The following LY6E variants were observed in gnomAD, a reference collection of about 807,000 sequenced individuals.
The protein encoded by LY6E is lymphocyte antigen 6E.
In LY6E, 4 loss-of-function variants were observed where a neutral mutation model predicts 7.7. The observed-to-expected ratio is 0.52, with a 90% CI of 0.25 to 1.18. LY6E has a LOEUF of 1.18. Among genes scored for constraint, LY6E ranks in the 50% most tolerant of loss-of-function variants. The probability of loss-of-function intolerance (pLI) is 0.14; values close to 1 mark genes in which losing one functional copy is unlikely to be tolerated. For missense variants in LY6E, 156 were observed against 168.0 expected (o/e 0.93, Z 0.40); for synonymous variants, 81 against 80.1 (o/e 1.01, Z -0.06).
chr8:143,020,731 G>A (rs553446212), intron 1 of LY6E, among the ~76,000 whole-genome samples, 152 bp from the exon 2 acceptor site: 45 of 152,348 alleles, frequency 3.0e-4, no homozygotes, highest in Non-Finnish European at 6.0e-4. Flanking sequence ...TGCACTGAGT[G>A]AGGAGTGGGT....
rs150263895 is a variant in LY6E at position 143,020,523 on chromosome 8, T to C, written c.-57-360T>C. 7.8e-3 allele frequency: 1,636 copies of C among 210,104 alleles called. 11 individuals are homozygous for C. Among genetic ancestry groups the C allele is most frequent in the Non-Finnish European group, 0.012 (1,261 of 103,598 alleles). The allele number at this position is 210,104 out of a possible 1,614,324, so 13.0% of individuals were successfully genotyped here. A position where few individuals can be genotyped will look rare whatever the true frequency, so the allele number is the denominator to read the frequency against. Reference sequence around the variant, plus strand: ...CATGGAGATTACAGGCGTGAGCCCCTGTACCCAGCCCCAGACTAGCTAATA... The same window carrying C: ...CATGGAGATTACAGGCGTGAGCCCCCGTACCCAGCCCCAGACTAGCTAATA... On this transcript the variant is annotated intron_variant, in intron 1 of 3. Transcript: ENST00000292494.
At chr8:143,019,869 G>A (rs1586614007) in intron 1 of LY6E, among the ~76,000 whole-genome samples, 1 of 152,174 alleles carries the variant, frequency 6.6e-6, no homozygotes, top group Non-Finnish European at 1.5e-5. Context: ...AGAGAATCAC[G>A]ACCCCAGCTG....
chr8:143,021,616 T>A lies in LY6E; in HGVS notation c.223T>A (p.Cys75Ser). The A allele has an allele frequency of 6.2e-7, 1 of 1,614,016 alleles. No individual in the cohort carries two copies. Among genetic ancestry groups the A allele is most frequent in the Non-Finnish European group, 8.5e-7 (1 of 1,180,020 alleles). The change falls in exon 4 of 4, where the codon TGC becomes AGC. Residue 75 changes from cysteine (C) to serine (S), a missense_variant. Physicochemically the swap from Cys to Ser is moderately radical, Grantham distance 112. Transcript: ENST00000292494. ...CCTGAGCAAGACCTGTTCCCCGGCC[T>A]GCCCCATCCCAGAAGGCGTCAATGT... ...HSLSKTCSPACPIPEGVNVGV... is the reference protein window; with the variant it reads ...HSLSKTCSPASPIPEGVNVGV...
rs1819239866 is a variant in LY6E, at chr8:143,022,091, G to C, written c.*302G>C. The C allele has an allele frequency of 1.9e-6, 1 of 515,128 alleles. No individual in the cohort carries two copies. Among genetic ancestry groups the C allele is most frequent in the East Asian group, 3.2e-5 (1 of 31,442 alleles). 31.9% of individuals were successfully genotyped at this position (515,128 alleles called of 1,614,324 possible). ...CCAAGTCCCATGGACATGCTGACAG[G>C]GTCCCCAGGGAGACCGTGTCAGTAG... On this transcript the variant is annotated 3_prime_UTR_variant, in exon 4 of 4. Transcript: ENST00000292494.
At chr8:143,019,168 C>A (rs1451576871) in intron 1 of LY6E, 1 of 152,244 alleles carries the variant, frequency 6.6e-6, no homozygotes, top group Non-Finnish European at 1.5e-5. Context: ...CGGGCCCCTC[C>A]CCGTTCCGGG....
chr8:143,021,099 C>T, intron 2 of LY6E, 108 bp downstream of exon 2: 1 of 1,351,770 alleles, frequency 7.4e-7, no homozygotes, highest in Non-Finnish European at 1.0e-6. Flanking sequence ...CCAGGCCGCT[C>T]CCAGCAGAGG....
rs998200100 is a variant in LY6E at position 143,021,866 on chromosome 8, AGCCCCTGAC to A, written c.*78_*86del. The A allele has an allele frequency of 3.0e-6, 4 of 1,327,348 alleles. No individual in the cohort carries two copies. The Admixed American group carries it at 8.8e-5, about 29-fold the overall frequency. 82.2% of individuals were successfully genotyped at this position (1,327,348 alleles called of 1,614,324 possible). ...CTTTCTGGATCCCACAGTGTATGGG[AGCCCCTGAC>A]TCCTCACGTGCCTGATCTGTGCCCT... On this transcript the variant is annotated 3_prime_UTR_variant, in exon 4 of 4. Transcript: ENST00000292494.
chr8:143,021,948 C>T lies in LY6E; in HGVS notation c.*159C>T, dbSNP rs963394544. ...CCTGCACCTCCACCTGCCCCAGCCC[C>T]TGCCTCTGCCCCAAGTGGGGCCAGC... On this transcript the variant is annotated 3_prime_UTR_variant, in exon 4 of 4. Coordinates refer to ENST00000292494, the MANE Select transcript of LY6E (RefSeq NM_002346.3). 33 of 660,766 alleles carry T rather than the reference C, an allele frequency of 5.0e-5. 1 individual carries two copies. In the Middle Eastern group the frequency reaches 1.7e-3, roughly 34 times the overall value. The allele number at this position is 660,766 out of a possible 1,614,324, so 40.9% of individuals were successfully genotyped here.
intron 2 of LY6E, 141 bp from the exon 3 acceptor site, chr8:143,021,173 C>G: frequency 7.7e-7 from 1 of 1,303,976 alleles, no homozygotes; most frequent in Non-Finnish European, 1.1e-6. Flanking sequence ...TGCTCGACGG[C>G]CAGGGTGGGG....
In LY6E at chr8:143,018,597, G is replaced by A. The variant is rs1473271453; in HGVS notation, c.-58+11G>A. 6.7e-6 allele frequency: 1 copy of A among 149,470 alleles called. No individual in the cohort carries two copies. The highest frequency in any genetic ancestry group is 2.4e-5 in the African/African-American group (1 of 41,158). 9.3% of individuals were successfully genotyped at this position (149,470 alleles called of 1,614,324 possible). A position where few individuals can be genotyped will look rare whatever the true frequency, so the allele number is the denominator to read the frequency against. On this transcript the variant is annotated intron_variant, in intron 1 of 3. Coordinates refer to ENST00000292494, the MANE Select transcript of LY6E (RefSeq NM_002346.3). ...TGCGTCCGCCCGGCGGTGAGTCCGC[G>A]GGCCCCCGGCCGGGACGCCCCCGCC...
At chr8:143,018,906 C>T (rs1327347740) in intron 1 of LY6E, 1 of 152,252 alleles carries the variant, frequency 6.6e-6, no homozygotes, top group African/African-American at 2.4e-5. Context: ...CCGGCCGCCC[C>T]AGGGCTGCGC....
Position 143,021,875 on chromosome 8 carries a change from C to A in LY6E, c.*86C>A. ...TCCCACAGTGTATGGGAGCCCCTGA[C>A]TCCTCACGTGCCTGATCTGTGCCCT... On this transcript the variant is annotated 3_prime_UTR_variant, in exon 4 of 4. Coordinates refer to ENST00000292494, the MANE Select transcript of LY6E (RefSeq NM_002346.3). 8.1e-7 allele frequency: 1 copy of A among 1,232,762 alleles called. No homozygotes were observed. The highest frequency in any genetic ancestry group is 1.1e-6 in the Non-Finnish European group (1 of 894,970). The allele number at this position is 1,232,762 out of a possible 1,614,324, so 76.4% of individuals were successfully genotyped here.
chr8:143,020,831 C>T, intron 1 of LY6E, 52 bp from the exon 2 acceptor site: 1 of 982,386 alleles, frequency 1.0e-6, no homozygotes, highest in Non-Finnish European at 1.6e-6. Flanking sequence ...GGTGCATGGT[C>T]TTGGGGAGGA....
At chr8:143,019,036 G>C (rs1330475621) in intron 1 of LY6E, 1 of 152,638 alleles carries the variant, frequency 6.6e-6, no homozygotes, top group African/African-American at 2.4e-5. Context: ...TGGCCGGAAA[G>C]GGAGGATTGA....
At position 143,021,903 on chromosome 8, in the gene LY6E, G is replaced by A; in HGVS notation, c.*114G>A. 1 of 1,017,864 alleles carries A rather than the reference G, an allele frequency of 9.8e-7. No individual in the cohort carries two copies. The highest frequency in any genetic ancestry group is 2.8e-5 in the Admixed American group (1 of 36,028). The allele number at this position is 1,017,864 out of a possible 1,614,324, so 63.1% of individuals were successfully genotyped here. ...CTCACGTGCCTGATCTGTGCCCTTG[G>A]TCCCAGGTCAGGCCCACCCCCTGCA... On this transcript the variant is annotated 3_prime_UTR_variant, in exon 4 of 4. Transcript: ENST00000292494.
intron 1 of LY6E, among the ~76,000 whole-genome samples, chr8:143,019,606 A>G (rs1819166375): frequency 6.6e-6 from 1 of 152,246 alleles, no homozygotes; most frequent in Admixed American, 6.5e-5. Context: ...CGGACTTGGC[A>G]CTGTTTTTGG....
chr8:143,021,156 C>T (rs956620535), intron 2 of LY6E, among the ~76,000 whole-genome samples, 158 bp from the exon 3 acceptor site: 1 of 152,194 alleles, frequency 6.6e-6, no homozygotes, highest in Non-Finnish European at 1.5e-5. Context: ...TTGAGTGTCG[C>T]TTGACCTGCT....
Position 143,022,059 on chromosome 8 carries a change from A to G in LY6E, c.*270A>G, listed in dbSNP as rs1819239174. ...GTTCCCTGGAGTCTTACGGTCCAAC[A>G]TCAGGACCAAGTCCCATGGACATGC... is the stretch of plus-strand genomic sequence containing the variant. On this transcript the variant is annotated 3_prime_UTR_variant, in exon 4 of 4. Transcript: ENST00000292494. The G allele has an allele frequency of 5.4e-6, 3 of 558,010 alleles. No individual in the cohort carries two copies. Among genetic ancestry groups the G allele is most frequent in the Admixed American group, 6.7e-5 (2 of 29,668 alleles). 34.6% of individuals were successfully genotyped at this position (558,010 alleles called of 1,614,324 possible).
rs199590426 is a variant in LY6E at position 143,021,294 on chromosome 8, G to C, written c.53-20G>C. 1.2e-6 allele frequency: 2 copies of C among 1,610,650 alleles called. No homozygotes were observed. Among genetic ancestry groups the C allele is most frequent in the South Asian group, 1.1e-5 (1 of 90,772 alleles). ...GGACACTGGAGGCTTCCCTGAGACA[G>C]GTGTGTCCTCCTTCCGCAGCCAGCT... On this transcript the variant is annotated intron_variant, in intron 2 of 3. Coordinates refer to ENST00000292494, the MANE Select transcript of LY6E (RefSeq NM_002346.3).
Sources: gnomAD v4.1 joint callset for allele counts (sites outside exome capture counted in the v4.1 genomes callset) on GRCh38, gnomAD v4.1.1 for gene constraint, MANE v1.5 for transcripts, NCBI Gene and HGNC (gene_info 2026-07-23, HGNC 2026-07-21) for gene names.